KRT24: variants seen among roughly 807,000 people sequenced by gnomAD.
KRT24 encodes the protein keratin, type I cytoskeletal 24.
In KRT24, 44 loss-of-function variants were observed where a neutral mutation model predicts 51.7. The ratio of observed to expected loss-of-function variants is 0.85; its 90% CI spans 0.67 to 1.09. KRT24 has a LOEUF of 1.09. Among genes scored for constraint, KRT24 ranks in the 50% least tolerant of loss-of-function variants. The pLI is 0.00. For missense variants in KRT24, 633 were observed against 647.0 expected (o/e 0.98, Z 0.24); for synonymous variants, 241 against 249.5 (o/e 0.97, Z 0.32).
intron 2 of KRT24, 28 bp from the exon 3 acceptor site, chr17:40,701,324 A>T (rs762198136): frequency 1.9e-6 from 3 of 1,604,724 alleles, no homozygotes; most frequent in Non-Finnish European, 8.5e-7. Flanking sequence ...AAGGCAAAAA[A>T]TACTGTGAGC....
Position 40,701,849 on chromosome 17 carries a change from A to ACTTCAGT in KRT24, c.693_698+1dup. On this transcript the variant is annotated splice_donor_variant, in intron 2 of 7. Transcript: ENST00000264651. LOFTEE classifies it high-confidence loss of function. ...TTGTTTTCAAGTCTTTATGTTTCTT[A>ACTTCAGT]CTTCAGTCTGAAGTCATCAGCAGCC... 7.4e-7 allele frequency: 1 copy of ACTTCAGT among 1,360,388 alleles called. No homozygotes were observed. Among genetic ancestry groups the ACTTCAGT allele is most frequent in the Non-Finnish European group, 9.7e-7 (1 of 1,028,972 alleles). The allele number at this position is 1,360,388 out of a possible 1,614,324, so 84.3% of individuals were successfully genotyped here.
intron 2 of KRT24, 110 bp downstream of exon 2, chr17:40,701,740 TA>T (rs1567862959): frequency 0.061 from 2,044 of 33,328 alleles, 214 homozygotes; most frequent in African/African-American, 0.23. Context: ...TATATATATA[TA>T]TATATATATA....
rs754199352 is a variant in KRT24, at chr17:40,700,325, G to A, written c.914C>T (p.Ala305Val). 12 of 1,613,748 alleles carry A rather than the reference G, an allele frequency of 7.4e-6. No individual in the cohort carries two copies. Among genetic ancestry groups the A allele is most frequent in the Middle Eastern group, 1.6e-4 (1 of 6,082 alleles). The change falls in exon 4 of 8, where the codon GCG becomes GTG. Residue 305 changes from alanine (A) to valine (V), a missense_variant. Ala to Val is a moderately conservative substitution (Grantham distance 64, BLOSUM62 0). Coordinates refer to ENST00000264651, the MANE Select transcript of KRT24 (RefSeq NM_019016.3). ...GGEVTVEMNA[A>V]PGTDLTKLLN... ...TAATTTGGTCAGGTCGGTCCCTGGC[G>A]CAGCATTCATTTCTACGGTCACCTC...
intron 1 of KRT24, among the ~76,000 whole-genome samples, chr17:40,702,403 AG>A: frequency 6.6e-6 from 1 of 152,140 alleles, no homozygotes; most frequent in Non-Finnish European, 1.5e-5. Context: ...CTAAGTATAC[AG>A]CCCCAGACCT....
chr17:40,703,481 G>A lies in KRT24; in HGVS notation c.213C>T (p.Cys71=), dbSNP rs1201144744. 6.7e-7 allele frequency: 1 copy of A among 1,483,916 alleles called. No individual in the cohort carries two copies. Among genetic ancestry groups the A allele is most frequent in the Non-Finnish European group, 9.1e-7 (1 of 1,101,572 alleles). The allele number at this position is 1,483,916 out of a possible 1,614,324, so 91.9% of individuals were successfully genotyped here. Residue 71 remains cysteine (C), a synonymous_variant, in exon 1 of 8, where the codon TGC becomes TGT. Coordinates refer to ENST00000264651, the MANE Select transcript of KRT24 (RefSeq NM_019016.3). The part of the protein sequence containing the change: ...GGSFGGGFGS[C]SVGGGFGGAS... ...CTCCCCCAAAACCACCCCCTACTGA[G>A]CAGCTACCAAAGCCCCCTCCAAAGC...
At chr17:40,701,723 GTATATATATATATA>G (rs36205605) in intron 2 of KRT24, 114 bp downstream of exon 2, 746 of 38,070 alleles carry the variant, frequency 0.02, 9 homozygotes, top group Non-Finnish European at 0.029. Flanking sequence ...TGATCCTCTA[GTATATATATATATA>G]TATATATATA....
At chr17:40,701,723 G>GTATATATATATATA (rs36205605) in intron 2 of KRT24, 128 bp downstream of exon 2, 1 of 38,124 alleles carries the variant, frequency 2.6e-5, no homozygotes. Flanking sequence ...TGATCCTCTA[G>GTATATATATATATA]TATATATATA....
At chr17:40,701,058 C>T in intron 3 of KRT24, 82 bp downstream of exon 3, 1 of 1,438,360 alleles carries the variant, frequency 7.0e-7, no homozygotes, top group Non-Finnish European at 9.6e-7. Context: ...CCACTGCACC[C>T]AGCCAATTTT....
chr17:40,699,856 A>T, intron 5 of KRT24, 142 bp downstream of exon 5: 1 of 1,203,154 alleles, frequency 8.3e-7, no homozygotes, highest in Non-Finnish European at 1.2e-6. Context: ...CATTATCTTT[A>T]ACTTTTAATG....
intron 5 of KRT24, 133 bp downstream of exon 5, chr17:40,699,865 T>C (rs1347992280): frequency 1.6e-6 from 2 of 1,246,212 alleles, no homozygotes; most frequent in Non-Finnish European, 2.3e-6. Context: ...TAACTTTTAA[T>C]GCTTTCTATA....
intron 7 of KRT24, 84 bp from the exon 8 acceptor site, chr17:40,698,424 G>T: frequency 1.8e-6 from 2 of 1,127,510 alleles, no homozygotes; most frequent in Non-Finnish European, 2.7e-6. Flanking sequence ...TGCATTCAAC[G>T]TGTTCTGTCT....
chr17:40,703,413 C>A lies in KRT24; in HGVS notation c.281G>T (p.Gly94Val). 1 of 1,608,884 alleles carries A rather than the reference C, an allele frequency of 6.2e-7. No homozygotes were observed. The highest frequency in any genetic ancestry group is 8.5e-7 in the Non-Finnish European group (1 of 1,175,472). ...GTGFGGGSSFGGVSGFGRGSG... is the reference protein window; with the variant it reads ...GTGFGGGSSFVGVSGFGRGSG... ...ACCCCTGCCAAATCCAGAGACCCCGCCAAAGCTAGAACCCCCACCAAATCC... is the reference window on the plus strand; with the variant it reads ...ACCCCTGCCAAATCCAGAGACCCCGACAAAGCTAGAACCCCCACCAAATCC... Residue 94 changes from glycine to valine, a missense_variant, in exon 1 of 8, where the codon GGC (glycine) becomes GTC (valine). Coordinates refer to ENST00000264651, the MANE Select transcript of KRT24 (RefSeq NM_019016.3).
At chr17:40,702,996 C>T (rs958190119) in intron 1 of KRT24, 83 bp downstream of exon 1, 1 of 1,407,904 alleles carries the variant, frequency 7.1e-7, no homozygotes, top group Non-Finnish European at 9.5e-7. Flanking sequence ...CAAATAATTT[C>T]TTAAAATTTT....
rs2037713108 is a variant in KRT24 at position 40,703,682 on chromosome 17, CG to C, written c.11del (p.Ser4CysfsTer49). 6.4e-7 allele frequency: 1 copy of C among 1,566,370 alleles called. No homozygotes were observed. The highest frequency in any genetic ancestry group is 1.9e-4 in the Middle Eastern group (1 of 5,174). On this transcript the variant is annotated frameshift_variant, in exon 1 of 8. Transcript: ENST00000264651. LOFTEE classifies it high-confidence loss of function. MSC[S>X]SRASSSRAGG... The stretch of plus-strand genomic sequence containing the variant: ...CAGCCCTGGAGGAGGAGGCGCGAGA[CG>C]AGCAAGACATGGTGCTCCTGCAAAC...
chr17:40,698,400 G>A, intron 7 of KRT24, 60 bp from the exon 8 acceptor site: 1 of 1,258,540 alleles, frequency 7.9e-7, no homozygotes, highest in Non-Finnish European at 1.2e-6. Context: ...CAGAGCAAGA[G>A]AAATTCAATC....
In KRT24 at chr17:40,699,430, T is replaced by C; in HGVS notation, c.1361+14A>G. The C allele has an allele frequency of 6.2e-7, 1 of 1,609,546 alleles. No homozygotes were observed. Among genetic ancestry groups the C allele is most frequent in the Non-Finnish European group, 8.5e-7 (1 of 1,175,778 alleles). ...TAAGGTATGCATTTTAGTTTGTTCA[T>C]GACTTTGGTTTACCCTCCCTCTCCA... On this transcript the variant is annotated intron_variant, in intron 6 of 7. Coordinates refer to ENST00000264651, the MANE Select transcript of KRT24 (RefSeq NM_019016.3).
At position 40,698,795 on chromosome 17, in the gene KRT24, C is replaced by T. The variant is rs553782983; in HGVS notation, c.1362-145G>A. Reference sequence around the variant, plus strand: ...TCTGCTGCTTTTTTGTTCAACCTTGCACTCCTGGGCTCAAGTGATCCTCCT... The same window carrying T: ...TCTGCTGCTTTTTTGTTCAACCTTGTACTCCTGGGCTCAAGTGATCCTCCT... On this transcript the variant is annotated intron_variant, in intron 6 of 7. Coordinates refer to ENST00000264651, the MANE Select transcript of KRT24 (RefSeq NM_019016.3). The T allele has an allele frequency of 1.1e-4, 70 of 627,956 alleles. No homozygotes were observed. The African/African-American group carries it at 1.2e-3, about 11-fold the overall frequency. 38.9% of individuals were successfully genotyped at this position (627,956 alleles called of 1,614,324 possible).
chr17:40,701,337 A>C (rs1597776743), intron 2 of KRT24, 41 bp from the exon 3 acceptor site: 2 of 1,576,846 alleles, frequency 1.3e-6, no homozygotes, highest in Non-Finnish European at 1.7e-6. Context: ...CTGTGAGCTC[A>C]CCTGGCCGTG....
chr17:40,703,179 A>G lies in KRT24; in HGVS notation c.515T>C (p.Ile172Thr). Residue 172 changes from isoleucine (I) to threonine (T), a missense_variant, in exon 1 of 8, where the codon ATC becomes ACC. Coordinates refer to ENST00000264651, the MANE Select transcript of KRT24 (RefSeq NM_019016.3). ...EEANTDLENK[I>T]KEWYDKYGPG... ...CCCATATTTGTCATACCACTCCTTGATTTTGTTCTCCAGATCAGTGTTAGC... is the reference window on the plus strand; with the variant it reads ...CCCATATTTGTCATACCACTCCTTGGTTTTGTTCTCCAGATCAGTGTTAGC... 6.2e-7 allele frequency: 1 copy of G among 1,613,958 alleles called. No individual in the cohort carries two copies. Among genetic ancestry groups the G allele is most frequent in the African/African-American group, 1.3e-5 (1 of 74,936 alleles).
Sources: allele counts gnomAD v4.1 joint callset (sites outside exome capture counted in the v4.1 genomes callset), GRCh38; gene constraint gnomAD v4.1.1; transcripts MANE v1.5; gene names NCBI Gene and HGNC (gene_info 2026-07-23, HGNC 2026-07-21).